Variants in ADAM12 observed in about 807,000 individuals in gnomAD.
ADAM12 encodes the protein disintegrin and metalloproteinase domain-containing protein 12.
Under a neutral mutation model 106.4 loss-of-function variants are expected in ADAM12, and 70 were observed. The ratio of observed to expected loss-of-function variants is 0.66; its 90% confidence interval spans 0.54 to 0.80. The LOEUF (loss-of-function observed/expected upper bound fraction) is 0.80. Among genes scored for constraint, ADAM12 ranks in the 30% least tolerant of loss-of-function variants. ADAM12 has a pLI of 0.00. For synonymous variants in ADAM12, 420 were observed against 433.5 expected, an observed-to-expected ratio of 0.97 and a Z score of 0.39; for missense variants, 1,010 against 1,171.9, an observed-to-expected ratio of 0.86 and a Z score of 2.02.
At chr10:126,050,247 A>G (rs1388383927) in intron 14 of ADAM12, among the ~76,000 whole-genome samples, 1 of 152,232 alleles carries the variant, frequency 6.6e-6, no homozygotes, top group African/African-American at 2.4e-5. Flanking sequence ...TGGAGTCATA[A>G]ACCCTGGTAA....
At chr10:126,383,552 A>T (rs886687451) in intron 1 of ADAM12, among the ~76,000 whole-genome samples, 1 of 152,192 alleles carries the variant, frequency 6.6e-6, no homozygotes, top group Admixed American at 6.5e-5. Flanking sequence ...GCTAAAGCAC[A>T]TAATCATAAA....
At chr10:126,256,307 A>G in intron 3 of ADAM12, among the ~76,000 whole-genome samples, 1 of 152,198 alleles carries the variant, frequency 6.6e-6, no homozygotes, top group African/African-American at 2.4e-5. Context: ...TAGAAGGCCA[A>G]TGTATTAGGA....
intron 4 of ADAM12, among the ~76,000 whole-genome samples, chr10:126,137,909 T>C (rs557285150): frequency 1.3e-5 from 2 of 152,354 alleles, no homozygotes; most frequent in South Asian, 2.1e-4. Flanking sequence ...AGTAGACACG[T>C]GGGTCTAAAA....
chr10:126,143,052 GGTGTGCACA>G (rs1956545800), intron 4 of ADAM12, among the ~76,000 whole-genome samples: 1 of 70,330 alleles, frequency 1.4e-5, no homozygotes, highest in Non-Finnish European at 3.8e-5. Context: ...GTGTGTATAT[GGTGTGCACA>G]TGTGCATATG....
intron 8 of ADAM12, among the ~76,000 whole-genome samples, chr10:126,107,347 T>C (rs1955792698): frequency 6.6e-6 from 1 of 152,040 alleles, no homozygotes; most frequent in African/African-American, 2.4e-5. Flanking sequence ...GCTGTGTGGG[T>C]TGCATGTCTG....
chr10:126,197,514 A>T (rs548873094), intron 3 of ADAM12, among the ~76,000 whole-genome samples: 1 of 152,334 alleles, frequency 6.6e-6, no homozygotes, highest in African/African-American at 2.4e-5. Flanking sequence ...GGGGTTGCAG[A>T]GGAAGCACAA....
intron 17 of ADAM12, among the ~76,000 whole-genome samples, chr10:126,044,021 C>T (rs1954249232): frequency 6.6e-6 from 1 of 152,184 alleles, no homozygotes. Flanking sequence ...GCGGCCACTC[C>T]CAAGCCTGTC....
Position 126,203,820 on chromosome 10 carries a change from G to A in ADAM12, c.261-48515C>T, listed in dbSNP as rs566348042. On this transcript the variant is annotated intron_variant, in intron 3 of 22. Coordinates refer to ENST00000448723, the MANE Select transcript of ADAM12 (RefSeq NM_001288973.2). ...CCCACAGAGACTGTGCTATGGCCCAGTTCTGTGTTGGGAGTGTGGCTGCCT... is the reference window on the plus strand; with the variant it reads ...CCCACAGAGACTGTGCTATGGCCCAATTCTGTGTTGGGAGTGTGGCTGCCT... Among the ~76,000 whole-genome samples, 3 of 152,336 alleles carry A rather than the reference G, an allele frequency of 2.0e-5. No individual in the cohort carries two copies. The East Asian group carries it at 5.8e-4, about 29-fold the overall frequency.
chr10:126,097,702 A>G (rs942740552), intron 10 of ADAM12, among the ~76,000 whole-genome samples: 3 of 152,230 alleles, frequency 2.0e-5, no homozygotes, highest in African/African-American at 7.2e-5. Context: ...GAGCAGGGAC[A>G]GCATAGGGTG....
intron 3 of ADAM12, among the ~76,000 whole-genome samples, chr10:126,264,968 C>T (rs549152170): frequency 1.5e-4 from 23 of 152,238 alleles, no homozygotes; most frequent in African/African-American, 5.5e-4. Context: ...GCCTTTTATC[C>T]AGCACTCTAA....
chr10:126,199,728 G>A (rs1446589375), intron 3 of ADAM12, among the ~76,000 whole-genome samples: 1 of 152,156 alleles, frequency 6.6e-6, no homozygotes, highest in Non-Finnish European at 1.5e-5. Flanking sequence ...TAAAGTTTCT[G>A]TACATGTCAG....
chr10:126,360,807 G>T (rs1356702190), intron 1 of ADAM12, among the ~76,000 whole-genome samples: 3 of 152,152 alleles, frequency 2.0e-5, no homozygotes, highest in African/African-American at 7.2e-5. Context: ...CCACTCTACT[G>T]GTACCAATTT....
At chr10:126,093,528 G>A (rs1280847749) in intron 11 of ADAM12, among the ~76,000 whole-genome samples, 3 of 152,148 alleles carry the variant, frequency 2.0e-5, no homozygotes, top group Admixed American at 6.5e-5. Context: ...CCAACCCTGG[G>A]GAAAGAAATA....
At chr10:126,297,236 C>T (rs1960421860) in intron 2 of ADAM12, among the ~76,000 whole-genome samples, 1 of 152,168 alleles carries the variant, frequency 6.6e-6, no homozygotes, top group Non-Finnish European at 1.5e-5. Context: ...AACACCTCTT[C>T]TATGTCCAAC....
chr10:126,386,027 C>G (rs1052102102), intron 1 of ADAM12, among the ~76,000 whole-genome samples: 2 of 151,964 alleles, frequency 1.3e-5, no homozygotes, highest in Admixed American at 6.6e-5. Flanking sequence ...AGGCACACTT[C>G]GGGATGTAAG....
At chr10:126,040,359 G>A (rs1341966233) in intron 18 of ADAM12, among the ~76,000 whole-genome samples, 1 of 152,176 alleles carries the variant, frequency 6.6e-6, no homozygotes, top group Non-Finnish European at 1.5e-5. Context: ...GTCCTTTCCG[G>A]CTGCTGGTGA....
At chr10:126,365,227 T>G (rs1193473345) in intron 1 of ADAM12, among the ~76,000 whole-genome samples, 1 of 152,214 alleles carries the variant, frequency 6.6e-6, no homozygotes, top group Non-Finnish European at 1.5e-5. Context: ...TTCTCTAACA[T>G]TCTGCTTCCG....
intron 22 of ADAM12, 145 bp downstream of exon 22, chr10:126,019,550 A>T: frequency 9.3e-7 from 1 of 1,079,716 alleles, no homozygotes; most frequent in South Asian, 2.1e-5. Context: ...GGTAATTGTC[A>T]TGTCTATTTT....
At chr10:126,275,566 TAAGA>T (rs1314960100) in intron 3 of ADAM12, among the ~76,000 whole-genome samples, 2 of 152,200 alleles carry the variant, frequency 1.3e-5, no homozygotes, top group East Asian at 3.8e-4. Flanking sequence ...GCTATAGACT[TAAGA>T]GACTGGGACC....
Sources: gnomAD v4.1 joint callset for allele counts (sites outside exome capture counted in the v4.1 genomes callset) on GRCh38, gnomAD v4.1.1 for gene constraint, MANE v1.5 for transcripts, NCBI Gene and HGNC (gene_info 2026-07-23, HGNC 2026-07-21) for gene names.